The following DIAPH1 variants were observed in gnomAD, a reference collection of about 807,000 sequenced individuals.
DIAPH1 encodes diaphanous related formin 1.
In DIAPH1, 46 loss-of-function variants were observed where a neutral mutation model predicts 140.7. The ratio of observed to expected loss-of-function variants is 0.33; its 90% CI spans 0.26 to 0.42. The LOEUF is 0.42. Among genes scored for constraint, DIAPH1 ranks in the 10% least tolerant of loss-of-function variants. DIAPH1 has a pLI of 1.00. For synonymous variants in DIAPH1, 565 were observed against 551.6 expected (o/e 1.02, Z -0.34); for missense variants, 1,310 against 1,558.7 (o/e 0.84, Z 2.69).
chr5:141,604,938 A>G (rs1197584568), intron 1 of DIAPH1, among the ~76,000 whole-genome samples: 6 of 152,222 alleles, frequency 3.9e-5, no homozygotes, highest in African/African-American at 1.4e-4. Flanking sequence ...CACCAGAAAT[A>G]TAAGTGTTAA....
At chr5:141,529,542 A>G in intron 20 of DIAPH1, 61 bp downstream of exon 20, 1 of 1,328,044 alleles carries the variant, frequency 7.5e-7, no homozygotes, top group South Asian at 1.2e-5. Context: ...CTACACAGAG[A>G]TGAGGCCAGT....
chr5:141,574,226 A>C lies in DIAPH1; in HGVS notation c.1642-18T>G. On this transcript the variant is annotated intron_variant, in intron 15 of 27. Transcript: ENST00000389054. ...TTGGCAACCTACAGAAATAACATCAATGTGAGTACTTCTCACCCCACTTCA... is the reference window on the plus strand; with the variant it reads ...TTGGCAACCTACAGAAATAACATCACTGTGAGTACTTCTCACCCCACTTCA... The C allele has an allele frequency of 1.9e-6, 3 of 1,613,662 alleles. No homozygotes were observed. The highest frequency in any genetic ancestry group is 2.5e-6 in the Non-Finnish European group (3 of 1,179,756).
At chr5:141,547,624 G>A (rs2099891012) in intron 18 of DIAPH1, among the ~76,000 whole-genome samples, 1 of 152,072 alleles carries the variant, frequency 6.6e-6, no homozygotes, top group Non-Finnish European at 1.5e-5. Context: ...TAAAAGCACA[G>A]AGGTTAAAAA....
chr5:141,587,296 G>T, intron 2 of DIAPH1, 99 bp from the exon 3 acceptor site: 2 of 1,220,368 alleles, frequency 1.6e-6, no homozygotes, highest in Non-Finnish European at 2.3e-6. Context: ...CACAGGCATG[G>T]TTCCTCTGGT....
Position 141,588,184 on chromosome 5 carries a change from A to G in DIAPH1, c.144+40T>C, listed in dbSNP as rs78541912. 716 of 1,560,114 alleles carry G rather than the reference A, an allele frequency of 4.6e-4. 7 individuals carry two copies. The African/African-American group carries it at 8.8e-3, about 19-fold the overall frequency. On this transcript the variant is annotated intron_variant, in intron 2 of 27. Transcript: ENST00000389054. Reference sequence around the variant, plus strand: ...ACTGGTAAATATGATAGTGTAGGCAATGAGCTAGAACATGCACATGCTAAA... The same window carrying G: ...ACTGGTAAATATGATAGTGTAGGCAGTGAGCTAGAACATGCACATGCTAAA...
At chr5:141,521,799 T>C (rs2099886582) in intron 27 of DIAPH1, among the ~76,000 whole-genome samples, 1 of 152,098 alleles carries the variant, frequency 6.6e-6, no homozygotes, top group Non-Finnish European at 1.5e-5. Context: ...AGTGGAGCCT[T>C]TGTATTTTGA....
In DIAPH1 at chr5:141,566,100, G is replaced by A. The variant is rs892122403; in HGVS notation, c.2482+5328C>T. Among the ~76,000 whole-genome samples the A allele has an allele frequency of 9.9e-5, 15 of 152,104 alleles. 1 individual carries two copies. Among genetic ancestry groups the A allele is most frequent in the African/African-American group, 3.1e-4 (13 of 41,424 alleles). On this transcript the variant is annotated intron_variant, in intron 18 of 27. Transcript: ENST00000389054. Reference sequence around the variant, plus strand: ...TGAAGTCATCAGAAAGTGAAGGACAGTGAAATGCTGGTAGGACAAATGGAT... The same window carrying A: ...TGAAGTCATCAGAAAGTGAAGGACAATGAAATGCTGGTAGGACAAATGGAT...
intron 18 of DIAPH1, among the ~76,000 whole-genome samples, chr5:141,558,698 G>C (rs566877419): frequency 6.6e-6 from 1 of 152,018 alleles, no homozygotes; most frequent in Non-Finnish European, 1.5e-5. Flanking sequence ...TTTATCTTAC[G>C]CTACACCTCC....
At chr5:141,584,848 A>G (rs2099897287) in intron 3 of DIAPH1, among the ~76,000 whole-genome samples, 1 of 152,242 alleles carries the variant, frequency 6.6e-6, no homozygotes, top group African/African-American at 2.4e-5. Context: ...TTTAGCCCTA[A>G]TAATTCCAGA....
chr5:141,596,381 T>C (rs1167509252), intron 1 of DIAPH1, among the ~76,000 whole-genome samples: 1 of 151,734 alleles, frequency 6.6e-6, no homozygotes, highest in Admixed American at 6.6e-5. Context: ...CGCTTGCCTG[T>C]AGTCCCACCT....
intron 18 of DIAPH1, among the ~76,000 whole-genome samples, chr5:141,547,683 G>C (rs2099891020): frequency 6.6e-6 from 1 of 152,052 alleles, no homozygotes; most frequent in Non-Finnish European, 1.5e-5. Flanking sequence ...ACATTGAAAA[G>C]GCCAATGGTC....
intron 18 of DIAPH1, among the ~76,000 whole-genome samples, chr5:141,542,232 G>C (rs567747732): frequency 1.3e-5 from 2 of 152,296 alleles, no homozygotes; most frequent in East Asian, 1.9e-4. Flanking sequence ...AGGAGTTCGA[G>C]ACCAGCCTGG....
intron 18 of DIAPH1, among the ~76,000 whole-genome samples, chr5:141,556,052 T>C (rs1032466188): frequency 6.6e-6 from 1 of 152,156 alleles, no homozygotes; most frequent in Admixed American, 6.5e-5. Context: ...TCAGAGTCAC[T>C]GACCCATTTC....
intron 1 of DIAPH1, among the ~76,000 whole-genome samples, chr5:141,595,672 T>C (rs1053458123): frequency 1.3e-5 from 2 of 152,156 alleles, no homozygotes; most frequent in East Asian, 1.9e-4. Flanking sequence ...TCCATCATGA[T>C]TGTAAGTTTC....
intron 16 of DIAPH1, among the ~76,000 whole-genome samples, chr5:141,572,596 T>C (rs2099895349): frequency 6.6e-6 from 1 of 151,976 alleles, no homozygotes; most frequent in Admixed American, 6.5e-5. Context: ...GGTCAGGAGT[T>C]CGAGAGCAGC....
intron 1 of DIAPH1, among the ~76,000 whole-genome samples, chr5:141,592,767 T>C (rs2099898700): frequency 6.6e-6 from 1 of 152,172 alleles, no homozygotes; most frequent in Non-Finnish European, 1.5e-5. Context: ...CACTAAACAT[T>C]AGCACTTATA....
Position 141,526,122 on chromosome 5 carries a change from G to T in DIAPH1, c.3490C>A (p.Arg1164=). 6.2e-7 allele frequency: 1 copy of T among 1,613,972 alleles called. No individual in the cohort carries two copies. Among genetic ancestry groups the T allele is most frequent in the South Asian group, 1.1e-5 (1 of 91,072 alleles). ...GCCTTCTCCTTGGCTAGTTTTGCTC[G>T]CCTCATCTTTTCTTCTGTCTCCCGC... ...KRRETEEKMR[R]AKLAKEKAEK... Residue 1164 remains arginine (R), a synonymous_variant, in exon 26 of 28, where the codon CGA becomes AGA. Coordinates refer to ENST00000389054, the MANE Select transcript of DIAPH1 (RefSeq NM_005219.5).
intron 1 of DIAPH1, among the ~76,000 whole-genome samples, chr5:141,608,559 T>C (rs1447411531): frequency 6.6e-6 from 1 of 152,352 alleles, no homozygotes; most frequent in South Asian, 2.1e-4. Context: ...GACAGTCTCA[T>C]GACTTCTTGG....
At chr5:141,589,589 A>G (rs2099898065) in intron 1 of DIAPH1, among the ~76,000 whole-genome samples, 1 of 122,560 alleles carries the variant, frequency 8.2e-6, no homozygotes, top group Admixed American at 1.1e-4. Context: ...GGTATGTAAA[A>G]TTATTATATA....
Sources: gnomAD v4.1 joint callset for allele counts (sites outside exome capture counted in the v4.1 genomes callset) on GRCh38, gnomAD v4.1.1 for gene constraint, MANE v1.5 for transcripts, NCBI Gene and HGNC (gene_info 2026-07-23, HGNC 2026-07-21) for gene names.